Variants in SCN11A observed in about 807,000 individuals in gnomAD.
The protein encoded by SCN11A is sodium channel protein type 11 subunit alpha.
Under a neutral mutation model 162.2 loss-of-function variants are expected in SCN11A, and 122 were observed. That is an observed-to-expected ratio of 0.75 (90% CI 0.65 to 0.87). SCN11A has a LOEUF of 0.87. Ranked by LOEUF, SCN11A falls within the 40% of genes least tolerant of loss-of-function variation. SCN11A has a pLI of 0.00. For missense variants in SCN11A, 2,015 were observed against 2,181.6 expected (o/e 0.92, Z 1.52); for synonymous variants, 758 against 751.5 (o/e 1.01, Z -0.14).
In SCN11A at chr3:38,877,052, CTATATATATGG is replaced by C. The variant is rs1553634488; in HGVS notation, c.3393+2887_3393+2897del. ...ATATGGTATATATATGGTGTATATA[CTATATATATGG>C]TATATATATGGTGTATATACTATAT... is the stretch of plus-strand genomic sequence containing the variant. On this transcript the variant is annotated intron_variant, in intron 23 of 29. Coordinates refer to ENST00000302328, the MANE Select transcript of SCN11A (RefSeq NM_001349253.2). Among the ~76,000 whole-genome samples, 206 of 30,956 alleles carry C rather than the reference CTATATATATGG, an allele frequency of 6.7e-3. 3 individuals carry two copies. Among genetic ancestry groups the C allele is most frequent in the African/African-American group, 0.019 (174 of 9,154 alleles). 20.3% of individuals were successfully genotyped at this position (30,956 alleles called of 152,430 possible). A position where few individuals can be genotyped will look rare whatever the true frequency, so the allele number is the denominator to read the frequency against.
chr3:39,004,968 T>C (rs1368107219), intron 2 of SCN11A, among the ~76,000 whole-genome samples: 1 of 152,192 alleles, frequency 6.6e-6, no homozygotes, highest in African/African-American at 2.4e-5. Context: ...CCGAGCTCCC[T>C]GAGTGAGCAA....
intron 2 of SCN11A, among the ~76,000 whole-genome samples, chr3:38,995,339 C>T (rs1030607396): frequency 2.0e-5 from 3 of 152,158 alleles, no homozygotes; most frequent in Non-Finnish European, 2.9e-5. Context: ...CCAGGATGGT[C>T]TCCATCCCCT....
chr3:39,048,868 T>C (rs2032251491), intron 1 of SCN11A, among the ~76,000 whole-genome samples: 1 of 152,222 alleles, frequency 6.6e-6, no homozygotes, highest in Non-Finnish European at 1.5e-5. Flanking sequence ...GGAAAGATCA[T>C]GAGAAGGTGT....
chr3:38,906,455 T>C (rs1429159275), intron 14 of SCN11A, among the ~76,000 whole-genome samples: 1 of 152,118 alleles, frequency 6.6e-6, no homozygotes, highest in African/African-American at 2.4e-5. Context: ...GAATGAGCCA[T>C]CTTTCCACTC....
At chr3:38,855,611 C>A (rs542287872) in intron 28 of SCN11A, among the ~76,000 whole-genome samples, 25 of 152,298 alleles carry the variant, frequency 1.6e-4, no homozygotes, top group African/African-American at 5.8e-4. Context: ...TCAACCAACT[C>A]AGGACATGAC....
At position 38,866,933 on chromosome 3, in the gene SCN11A, A is replaced by G. The variant is rs992883806; in HGVS notation, c.3951+388T>C. On this transcript the variant is annotated intron_variant, in intron 27 of 29. Transcript: ENST00000302328. ...GACACACTGGCAGGAAAAGGAGAGT[A>G]TATTAGTTTTATAGTGGATAATAAA... Among the ~76,000 whole-genome samples, 72 of 152,206 alleles carry G rather than the reference A, an allele frequency of 4.7e-4. 1 individual carries two copies. Among genetic ancestry groups the G allele is most frequent in the African/African-American group, 1.7e-3 (72 of 41,462 alleles).
At chr3:38,852,223 T>C (rs1197434523) in intron 28 of SCN11A, among the ~76,000 whole-genome samples, 5 of 152,002 alleles carry the variant, frequency 3.3e-5, no homozygotes, top group Admixed American at 6.6e-5. Context: ...TACATTTCAG[T>C]TGTGACTTTC....
At chr3:38,934,212 C>A (rs1439020495) in intron 7 of SCN11A, among the ~76,000 whole-genome samples, 1 of 152,224 alleles carries the variant, frequency 6.6e-6, no homozygotes, top group Non-Finnish European at 1.5e-5. Context: ...CCTAAAAGAG[C>A]TCCTGAAGGA....
rs201107889 is a variant in SCN11A, at chr3:38,847,003, G to C, written c.5067C>G (p.Phe1689Leu). ...CAGAGCCACCGAGTACCCTAGCGGT[G>C]AAGGCGAAAAGAATATCCATGCAGT... is the stretch of plus-strand genomic sequence containing the variant. ...RLHCMDILFAFTARVLGGSDG... is the reference protein window; with the variant it reads ...RLHCMDILFALTARVLGGSDG... Residue 1689 changes from phenylalanine (F) to leucine (L), a missense_variant, in exon 30 of 30, where the codon TTC becomes TTG. Coordinates refer to ENST00000302328, the MANE Select transcript of SCN11A (RefSeq NM_001349253.2). 1.3e-4 allele frequency: 210 copies of C among 1,614,084 alleles called. No homozygotes were observed. The highest frequency in any genetic ancestry group is 1.0e-3 in the Admixed American group (63 of 60,016).
intron 2 of SCN11A, among the ~76,000 whole-genome samples, chr3:39,004,094 C>T (rs1214889720): frequency 6.6e-6 from 1 of 152,152 alleles, no homozygotes; most frequent in Non-Finnish European, 1.5e-5. Context: ...AAATCTTTCC[C>T]TATTCCTATG....
intron 7 of SCN11A, among the ~76,000 whole-genome samples, chr3:38,934,682 C>T (rs1238642915): frequency 6.6e-6 from 1 of 151,834 alleles, no homozygotes; most frequent in Non-Finnish European, 1.5e-5. Flanking sequence ...AGCTAACTAT[C>T]CTAAATATAT....
intron 1 of SCN11A, among the ~76,000 whole-genome samples, chr3:39,042,547 A>G (rs1364740127): frequency 6.6e-6 from 1 of 152,168 alleles, no homozygotes. Flanking sequence ...AAGAGACAAC[A>G]CACAGAATGG....
chr3:38,947,066 C>CA (rs2066529387), intron 5 of SCN11A, among the ~76,000 whole-genome samples, 159 bp from the exon 6 acceptor site: 2 of 152,212 alleles, frequency 1.3e-5, no homozygotes, highest in South Asian at 4.2e-4. Context: ...CCAGAAGAAT[C>CA]AGAGATGGAA....
chr3:38,887,611 A>G (rs1159160144), intron 19 of SCN11A, among the ~76,000 whole-genome samples: 1 of 152,132 alleles, frequency 6.6e-6, no homozygotes, highest in Non-Finnish European at 1.5e-5. Flanking sequence ...AAAATAAAAA[A>G]TAAAATAAAA....
chr3:39,032,364 A>C lies in SCN11A; in HGVS notation c.-280+16T>G, dbSNP rs1004408444. Among the ~76,000 whole-genome samples the C allele has an allele frequency of 6.6e-6, 1 of 152,244 alleles. No homozygotes were observed. Among genetic ancestry groups the C allele is most frequent in the Non-Finnish European group, 1.5e-5 (1 of 68,042 alleles). On this transcript the variant is annotated intron_variant, in intron 2 of 29. Transcript: ENST00000302328. The stretch of plus-strand genomic sequence containing the variant: ...TTAATTCCTCTTGAACAAACAAAAA[A>C]TATGAAAACACTCACCGCTCCCCTC...
chr3:38,946,959 T>G, intron 5 of SCN11A, 52 bp from the exon 6 acceptor site: 1 of 986,728 alleles, frequency 1.0e-6, no homozygotes, highest in South Asian at 1.4e-5. Flanking sequence ...ACAACAGGAA[T>G]TAAATGCAGT....
rs773191049 is a variant in SCN11A, at chr3:38,899,879, A to G, written c.2022+15T>C. The G allele has an allele frequency of 1.2e-6, 2 of 1,606,382 alleles. No individual in the cohort carries two copies. Among genetic ancestry groups the G allele is most frequent in the South Asian group, 1.1e-5 (1 of 90,142 alleles). ...GGCAGCTACGTTTATGCAGTAAAAT[A>G]AGAAAGTGCCTTACCACTCTGAAGG... On this transcript the variant is annotated intron_variant, in intron 17 of 29. Transcript: ENST00000302328.
At chr3:38,941,950 G>T (rs1229865076) in intron 7 of SCN11A, among the ~76,000 whole-genome samples, 8 of 152,054 alleles carry the variant, frequency 5.3e-5, no homozygotes, top group Non-Finnish European at 1.2e-4. Context: ...ACTATATGTT[G>T]TTTACAAGAT....
chr3:39,050,659 A>G (rs1261747708), intron 1 of SCN11A, among the ~76,000 whole-genome samples: 1 of 152,242 alleles, frequency 6.6e-6, no homozygotes, highest in Non-Finnish European at 1.5e-5. Context: ...ATGCAACAGA[A>G]ATTTGTGACC....
Sources: gnomAD v4.1 joint callset for allele counts (sites outside exome capture counted in the v4.1 genomes callset) on GRCh38, gnomAD v4.1.1 for gene constraint, MANE v1.5 for transcripts, NCBI Gene and HGNC (gene_info 2026-07-23, HGNC 2026-07-21) for gene names.